Variants in DENND6B observed in about 807,000 individuals in gnomAD.
DENND6B encodes the protein protein DENND6B.
A neutral mutation model predicts 85.1 loss-of-function variants in DENND6B; 73 were observed. The ratio of observed to expected loss-of-function variants is 0.86; its 90% CI spans 0.71 to 1.04. The LOEUF is 1.04. DENND6B is among the 50% of genes least tolerant of loss of function. The pLI is 0.00. For synonymous variants in DENND6B, 357 were observed against 329.3 expected, an observed-to-expected ratio of 1.08 and a Z score of -0.91; for missense variants, 715 against 785.8, an observed-to-expected ratio of 0.91 and a Z score of 1.08.
In DENND6B at chr22:50,317,378, A is replaced by C; in HGVS notation, c.373-5T>G. On this transcript the variant is annotated splice_region_variant and splice_polypyrimidine_tract_variant and intron_variant, in intron 4 of 19. Coordinates refer to ENST00000413817, the MANE Select transcript of DENND6B (RefSeq NM_001001794.4). ...GAAGTAGTGTGCCGGCTCCCTCTGC[A>C]AGGAGCATGGTGTTAGCCAGCCACG... The C allele has an allele frequency of 6.2e-7, 1 of 1,612,688 alleles. No individual in the cohort carries two copies. Among genetic ancestry groups the C allele is most frequent in the Non-Finnish European group, 8.5e-7 (1 of 1,179,614 alleles).
intron 1 of DENND6B, among the ~76,000 whole-genome samples, chr22:50,323,020 CTTTTTTTTTTT>C (rs386395718): frequency 1.0e-4 from 4 of 39,020 alleles, no homozygotes; most frequent in Non-Finnish European, 1.7e-4. Context: ...CCGGCTAATG[CTTTTTTTTTTT>C]TTTTTTTTTT....
chr22:50,312,994 C>T lies in DENND6B; in HGVS notation c.1457+5G>A, dbSNP rs763173629. The T allele has an allele frequency of 1.9e-5, 30 of 1,552,184 alleles. No homozygotes were observed. Among genetic ancestry groups the T allele is most frequent in the Non-Finnish European group, 2.4e-5 (27 of 1,148,080 alleles). ...TCAAGCTGCCTGCACCTGCAGTCCA[C>T]GCACCTGTAGAGACCCAGCCAGTCG... On this transcript the variant is annotated splice_donor_5th_base_variant and intron_variant, in intron 17 of 19. Coordinates refer to ENST00000413817, the MANE Select transcript of DENND6B (RefSeq NM_001001794.4).
rs1345588853 is a variant in DENND6B at position 50,310,424 on chromosome 22, A to C, written c.*1715T>G. 1 of 152,224 alleles carries C rather than the reference A, an allele frequency of 6.6e-6. No individual in the cohort carries two copies. The highest frequency in any genetic ancestry group is 2.4e-5 in the African/African-American group (1 of 41,444). 9.4% of individuals were successfully genotyped at this position (152,224 alleles called of 1,614,324 possible). The stretch of plus-strand genomic sequence containing the variant: ...ACAGGGACAGGCTGTCCTGGGCTGC[A>C]GTTGGGCTGGACAAGTTGACATGTA... On this transcript the variant is annotated 3_prime_UTR_variant, in exon 20 of 20. Transcript: ENST00000413817.
intron 9 of DENND6B, 116 bp downstream of exon 9, chr22:50,315,598 T>TCACGCAGACACA (rs2041783124): frequency 8.0e-7 from 1 of 1,255,774 alleles, no homozygotes; most frequent in African/African-American, 1.5e-5. Flanking sequence ...ACACGTGCAC[T>TCACGCAGACACA]CACGCAGACA....
At chr22:50,313,959 T>TG in intron 13 of DENND6B, 81 bp from the exon 14 acceptor site, 1 of 1,476,022 alleles carries the variant, frequency 6.8e-7, no homozygotes. Flanking sequence ...GGAGCCAGGG[T>TG]GGGGGTCTCA....
chr22:50,320,443 G>A (rs1417358737), intron 1 of DENND6B, among the ~76,000 whole-genome samples: 1 of 152,216 alleles, frequency 6.6e-6, no homozygotes, highest in Non-Finnish European at 1.5e-5. Context: ...GTCCTGCTTT[G>A]CCTCTTCCAA....
At position 50,311,761 on chromosome 22, in the gene DENND6B, G is replaced by A. The variant is rs1479521519; in HGVS notation, c.*378C>T. ...CCTGTCCTGGGCAGCCTGTTGGGCT[G>A]AGGGAAGCATCACACACAGCGCAGG... On this transcript the variant is annotated 3_prime_UTR_variant, in exon 20 of 20. Transcript: ENST00000413817. 4 of 246,880 alleles carry A rather than the reference G, an allele frequency of 1.6e-5. No homozygotes were observed. The highest frequency in any genetic ancestry group is 4.5e-5 in the African/African-American group (2 of 44,492). 15.3% of individuals were successfully genotyped at this position (246,880 alleles called of 1,614,324 possible). A position where few individuals can be genotyped will look rare whatever the true frequency, so the allele number is the denominator to read the frequency against.
chr22:50,312,445 AGCAAG>A, intron 18 of DENND6B, 28 bp from the exon 19 acceptor site: 2 of 1,602,818 alleles, frequency 1.2e-6, no homozygotes, highest in Non-Finnish European at 1.7e-6. Context: ...GTCTACTGTC[AGCAAG>A]GCCCCTCACT....
At chr22:50,319,439 T>C in intron 1 of DENND6B, 1 of 985,204 alleles carries the variant, frequency 1.0e-6, no homozygotes, top group African/African-American at 1.7e-5. Context: ...CCCAACCACC[T>C]CTTGCCCAGA....
chr22:50,323,754 T>C (rs1344940938), intron 1 of DENND6B, among the ~76,000 whole-genome samples: 1 of 146,792 alleles, frequency 6.8e-6, no homozygotes, highest in Admixed American at 6.9e-5. Context: ...AATTTTGTTT[T>C]GAGACAGGTT....
chr22:50,317,617 C>T (rs957519681), intron 4 of DENND6B, among the ~76,000 whole-genome samples: 4 of 152,040 alleles, frequency 2.6e-5, no homozygotes, highest in Non-Finnish European at 5.9e-5. Context: ...TGGAGAGGGG[C>T]TCGGGGGGCT....
intron 15 of DENND6B, 50 bp downstream of exon 15, chr22:50,313,585 C>T (rs1308562297): frequency 1.4e-6 from 2 of 1,445,238 alleles, no homozygotes; most frequent in Admixed American, 2.6e-5. Context: ...CAACCCCATC[C>T]CCCCAGCCCC....
At chr22:50,324,603 T>C (rs1051746681) in intron 1 of DENND6B, among the ~76,000 whole-genome samples, 24 of 152,096 alleles carry the variant, frequency 1.6e-4, no homozygotes, top group Admixed American at 5.9e-4. Context: ...TTTGTATTTT[T>C]AGTAGAGACA....
chr22:50,312,468 G>C, intron 18 of DENND6B, 51 bp from the exon 19 acceptor site: 2 of 1,585,884 alleles, frequency 1.3e-6, no homozygotes, highest in Non-Finnish European at 1.7e-6. Context: ...ACTGCCCTGG[G>C]CCTGTGCCCA....
intron 9 of DENND6B, 55 bp from the exon 10 acceptor site, chr22:50,314,976 C>G: frequency 6.3e-7 from 1 of 1,591,640 alleles, no homozygotes; most frequent in Non-Finnish European, 8.6e-7. Context: ...ACTCCTGGCT[C>G]TGGCCCCGCT....
At chr22:50,316,120 G>A in intron 7 of DENND6B, 33 bp from the exon 8 acceptor site, 2 of 1,612,684 alleles carry the variant, frequency 1.2e-6, no homozygotes, top group Admixed American at 1.7e-5. Context: ...GCCAGAGGGA[G>A]TAGGGCATCC....
chr22:50,315,794 G>T, intron 8 of DENND6B, 25 bp from the exon 9 acceptor site: 1 of 1,506,812 alleles, frequency 6.6e-7, no homozygotes, highest in South Asian at 1.3e-5. Context: ...GTGAAGGTCA[G>T]GGCCAAGGGG....
intron 1 of DENND6B, among the ~76,000 whole-genome samples, chr22:50,322,914 A>G (rs1306473463): frequency 6.7e-6 from 1 of 149,492 alleles, no homozygotes; most frequent in Non-Finnish European, 1.5e-5. Flanking sequence ...GCAGTGGCAC[A>G]ATCTTGGCTC....
rs747452568 is a variant in DENND6B, at chr22:50,312,212, C to T, written c.1685G>A (p.Arg562Gln). Residue 562 changes from arginine to glutamine, a missense_variant, in exon 20 of 20, where the codon CGG becomes CAG. Arg to Gln is a conservative substitution (Grantham distance 43, BLOSUM62 1). Transcript: ENST00000413817. ...GACCGTCTCGATGTACAGCTGTGCC[C>T]GCTGCAGCGTAGCCTCCTTCACAGG... is the stretch of plus-strand genomic sequence containing the variant. ...QLPVKEATLQ[R>Q]AQLYIETVIG... 1.3e-5 allele frequency: 21 copies of T among 1,612,224 alleles called. No individual in the cohort carries two copies. Among genetic ancestry groups the T allele is most frequent in the African/African-American group, 6.7e-5 (5 of 74,894 alleles).
Sources: allele counts gnomAD v4.1 joint callset (sites outside exome capture counted in the v4.1 genomes callset), GRCh38; gene constraint gnomAD v4.1.1; transcripts MANE v1.5; gene names NCBI Gene and HGNC (gene_info 2026-07-23, HGNC 2026-07-21).